The following CLEC2D variants were observed in gnomAD, a reference collection of about 807,000 sequenced individuals.
The protein encoded by CLEC2D is C-type lectin domain family 2 member D, also known as C-type lectin related f.
A neutral mutation model predicts 20.0 loss-of-function variants in CLEC2D; 16 were observed. The observed-to-expected ratio is 0.80, with a 90% CI of 0.54 to 1.22. The LOEUF is 1.22. Among genes scored for constraint, CLEC2D ranks in the 50% most tolerant of loss-of-function variants. CLEC2D has a pLI of 0.00. For missense variants in CLEC2D, 207 were observed against 221.5 expected (o/e 0.93, Z 0.42); for synonymous variants, 77 against 71.1 (o/e 1.08, Z -0.42).
rs1375374032 is a variant in CLEC2D, at chr12:9,699,380, C to CT, written c.*4512dup. 6.6e-6 allele frequency: 1 copy of CT among 152,138 alleles called. No homozygotes were observed. Among genetic ancestry groups the CT allele is most frequent in the Non-Finnish European group, 1.5e-5 (1 of 68,014 alleles). 9.4% of individuals were successfully genotyped at this position (152,138 alleles called of 1,614,324 possible). ...ATACACTGGAAATCTCAGGAAATTT[C>CT]TTTTTTCCTTAAGCTTAATTGAAAT... On this transcript the variant is annotated 3_prime_UTR_variant, in exon 5 of 5. Transcript: ENST00000290855.
At chr12:9,684,586 A>G (rs897823606) in intron 2 of CLEC2D, among the ~76,000 whole-genome samples, 6 of 152,148 alleles carry the variant, frequency 3.9e-5, no homozygotes, top group Non-Finnish European at 5.9e-5. Context: ...TGTTTTTATC[A>G]TGAAGGGGTG....
intron 1 of CLEC2D, chr12:9,673,900 G>T (rs986925737): frequency 6.6e-6 from 1 of 152,594 alleles, no homozygotes; most frequent in Non-Finnish European, 1.5e-5. Flanking sequence ...CACTGTCAGG[G>T]GCAAACCGCC....
intron 2 of CLEC2D, among the ~76,000 whole-genome samples, chr12:9,686,649 A>G (rs1035506053): frequency 4.6e-5 from 7 of 152,196 alleles, no homozygotes; most frequent in Non-Finnish European, 1.0e-4. Flanking sequence ...TTTCAGAACC[A>G]TTGAGTTGAA....
At chr12:9,694,675 T>C in intron 4 of CLEC2D, 85 bp from the exon 5 acceptor site, 1 of 773,410 alleles carries the variant, frequency 1.3e-6, no homozygotes, top group Non-Finnish European at 2.3e-6. Context: ...TGAATTAATG[T>C]TAGTTTTCTC....
Position 9,699,037 on chromosome 12 carries a change from AC to A in CLEC2D, c.*4164del, listed in dbSNP as rs1866066378. ...TAACCCACCTGGATAGATTTTTCTC[AC>A]AAACCATTGTCTTCTCTGCAAGCCC... is the stretch of plus-strand genomic sequence containing the variant. On this transcript the variant is annotated 3_prime_UTR_variant, in exon 5 of 5. Coordinates refer to ENST00000290855, the MANE Select transcript of CLEC2D (RefSeq NM_013269.6). The A allele has an allele frequency of 6.6e-6, 1 of 152,194 alleles. No homozygotes were observed. Among genetic ancestry groups the A allele is most frequent in the Admixed American group, 6.5e-5 (1 of 15,274 alleles). The allele number at this position is 152,194 out of a possible 1,614,324, so 9.4% of individuals were successfully genotyped here.
rs1865949833 is a variant in CLEC2D, at chr12:9,695,018, C to G, written c.*144C>G. ...CACTAATAACTGGGAAAATACAAAT[C>G]AAAATCATAGTAAAATATTACCTGT... On this transcript the variant is annotated 3_prime_UTR_variant, in exon 5 of 5. Coordinates refer to ENST00000290855, the MANE Select transcript of CLEC2D (RefSeq NM_013269.6). The G allele has an allele frequency of 1.8e-5, 11 of 603,258 alleles. No individual in the cohort carries two copies. The South Asian group carries it at 2.2e-4, about 12-fold the overall frequency. 37.4% of individuals were successfully genotyped at this position (603,258 alleles called of 1,614,324 possible). A position where few individuals can be genotyped will look rare whatever the true frequency, so the allele number is the denominator to read the frequency against.
chr12:9,678,245 C>T (rs1318090323), intron 1 of CLEC2D, among the ~76,000 whole-genome samples: 1 of 151,994 alleles, frequency 6.6e-6, no homozygotes, highest in African/African-American at 2.4e-5. Context: ...TGATAAATTT[C>T]CTTGCTTTGA....
rs969360886 is a variant in CLEC2D at position 9,698,339 on chromosome 12, T to C, written c.*3465T>C. The C allele has an allele frequency of 6.6e-6, 1 of 152,198 alleles. No homozygotes were observed. The allele number at this position is 152,198 out of a possible 1,614,324, so 9.4% of individuals were successfully genotyped here. ...ATCTCAAAAGCTTATTCCTCTTAACTGAAACCTACTACCCTGTGACATGTG... is the reference window on the plus strand; with the variant it reads ...ATCTCAAAAGCTTATTCCTCTTAACCGAAACCTACTACCCTGTGACATGTG... On this transcript the variant is annotated 3_prime_UTR_variant, in exon 5 of 5. Transcript: ENST00000290855.
At chr12:9,694,658 T>C in intron 4 of CLEC2D, 102 bp from the exon 5 acceptor site, 1 of 705,774 alleles carries the variant, frequency 1.4e-6, no homozygotes, top group Non-Finnish European at 2.6e-6. Flanking sequence ...GCATTATTTT[T>C]AGAGGCTGAA....
At chr12:9,682,602 A>G (rs1865659167) in intron 2 of CLEC2D, among the ~76,000 whole-genome samples, 1 of 152,190 alleles carries the variant, frequency 6.6e-6, no homozygotes, top group Non-Finnish European at 1.5e-5. Flanking sequence ...CCCACATATG[A>G]GTGAGAACCT....
rs1190455619 is a variant in CLEC2D, at chr12:9,697,686, A to G, written c.*2812A>G. ...AGTGAAATAAGCCAGACACAGAAAAAAAATGTTGCATGATCTCACTTATAG... is the reference window on the plus strand; with the variant it reads ...AGTGAAATAAGCCAGACACAGAAAAGAAATGTTGCATGATCTCACTTATAG... On this transcript the variant is annotated 3_prime_UTR_variant, in exon 5 of 5. Transcript: ENST00000290855. 6.6e-6 allele frequency: 1 copy of G among 150,838 alleles called. No individual in the cohort carries two copies. The highest frequency in any genetic ancestry group is 1.5e-5 in the Non-Finnish European group (1 of 67,882). The allele number at this position is 150,838 out of a possible 1,614,324, so 9.3% of individuals were successfully genotyped here.
Position 9,698,810 on chromosome 12 carries a change from A to T in CLEC2D, c.*3936A>T, listed in dbSNP as rs1351850322. ...ATAGTGATTTGACAGGTGGAACTAA[A>T]GAAGACTCGAGGTCTCTCTGACCTC... is the stretch of plus-strand genomic sequence containing the variant. On this transcript the variant is annotated 3_prime_UTR_variant, in exon 5 of 5. Coordinates refer to ENST00000290855, the MANE Select transcript of CLEC2D (RefSeq NM_013269.6). 2 of 152,204 alleles carry T rather than the reference A, an allele frequency of 1.3e-5. No individual in the cohort carries two copies. The highest frequency in any genetic ancestry group is 2.9e-5 in the Non-Finnish European group (2 of 68,026). The allele number at this position is 152,204 out of a possible 1,614,324, so 9.4% of individuals were successfully genotyped here.
chr12:9,673,930 T>TC (rs368360633), intron 1 of CLEC2D: 3,467 of 152,612 alleles, frequency 0.023, 146 homozygotes, highest in African/African-American at 0.08. Context: ...TGGTCACCCC[T>TC]CCCCCCAGGA....
chr12:9,682,857 G>T (rs975762696), intron 2 of CLEC2D, among the ~76,000 whole-genome samples: 5 of 152,138 alleles, frequency 3.3e-5, no homozygotes, highest in African/African-American at 9.7e-5. Flanking sequence ...ATAGTAGAAT[G>T]ATTTATAATC....
chr12:9,692,951 C>G lies in CLEC2D; in HGVS notation c.461+20C>G. On this transcript the variant is annotated intron_variant, in intron 4 of 4. Transcript: ENST00000290855. ...AAGACAGTAAGTTCTAAAAATCTGGCAGTAATATTTGTATTTGAATTTACT... is the reference window on the plus strand; with the variant it reads ...AAGACAGTAAGTTCTAAAAATCTGGGAGTAATATTTGTATTTGAATTTACT... 6.3e-7 allele frequency: 1 copy of G among 1,599,310 alleles called. No homozygotes were observed. Among genetic ancestry groups the G allele is most frequent in the Non-Finnish European group, 8.6e-7 (1 of 1,167,062 alleles).
intron 1 of CLEC2D, among the ~76,000 whole-genome samples, chr12:9,672,166 C>T (rs1374465216): frequency 3.8e-5 from 1 of 26,088 alleles, no homozygotes; most frequent in Non-Finnish European, 1.3e-4. Context: ...CAAGAGAGCA[C>T]ATGCATAAGA....
chr12:9,695,309 C>T lies in CLEC2D; in HGVS notation c.*435C>T, dbSNP rs764534034. On this transcript the variant is annotated 3_prime_UTR_variant, in exon 5 of 5. Coordinates refer to ENST00000290855, the MANE Select transcript of CLEC2D (RefSeq NM_013269.6). ...GGCTCCCTGGTGTGATTCCGTCCTG[C>T]GCGGCTGTTCTCTGGAGCAGCATTC... 9 of 785,596 alleles carry T rather than the reference C, an allele frequency of 1.1e-5. No homozygotes were observed. The highest frequency in any genetic ancestry group is 1.6e-5 in the Non-Finnish European group (7 of 450,218). 48.7% of individuals were successfully genotyped at this position (785,596 alleles called of 1,614,324 possible). A position where few individuals can be genotyped will look rare whatever the true frequency, so the allele number is the denominator to read the frequency against.
At position 9,687,934 on chromosome 12, in the gene CLEC2D, G is replaced by C. The variant is rs1439201366; in HGVS notation, c.205G>C (p.Val69Leu). 1 of 1,605,422 alleles carries C rather than the reference G, an allele frequency of 6.2e-7. No individual in the cohort carries two copies. The highest frequency in any genetic ancestry group is 2.3e-5 in the East Asian group (1 of 44,086). Residue 69 changes from valine (V) to leucine (L), a missense_variant, in exon 3 of 5, where the codon GTA becomes CTA. Physicochemically the swap from Val to Leu is conservative, Grantham distance 32. Transcript: ENST00000290855. ...IRANCHQEPS[V>L]CLQAACPESW... Reference sequence around the variant, plus strand: ...AGCTAACTGCCATCAAGAGCCATCAGTATGTCTTCAAGCTGCATGCCCAGA... The same window carrying C: ...AGCTAACTGCCATCAAGAGCCATCACTATGTCTTCAAGCTGCATGCCCAGA...
At chr12:9,673,542 G>C (rs536120533) in intron 1 of CLEC2D, among the ~76,000 whole-genome samples, 10 of 152,274 alleles carry the variant, frequency 6.6e-5, no homozygotes, top group Non-Finnish European at 1.3e-4. Context: ...TGGGATCAAG[G>C]ACCCGCTTAT....
Sources: gnomAD v4.1 joint callset for allele counts (sites outside exome capture counted in the v4.1 genomes callset) on GRCh38, gnomAD v4.1.1 for gene constraint, MANE v1.5 for transcripts, NCBI Gene and HGNC (gene_info 2026-07-23, HGNC 2026-07-21) for gene names.